Variants in RAD51B observed in about 807,000 individuals in gnomAD.
RAD51B encodes the protein RAD51 paralog B, also known as DNA repair protein RAD51 homolog 2.
In RAD51B, 38 loss-of-function variants were observed where a neutral mutation model predicts 42.2. That is an observed-to-expected ratio of 0.90 (90% CI 0.70 to 1.18). The LOEUF is 1.18. Ranked by LOEUF, RAD51B falls within the 50% of genes most tolerant of loss-of-function variation. RAD51B has a pLI of 0.00. For synonymous variants in RAD51B, 154 were observed against 145.2 expected (o/e 1.06, Z -0.43); for missense variants, 373 against 400.7 (o/e 0.93, Z 0.59).
intron 8 of RAD51B, among the ~76,000 whole-genome samples, chr14:68,362,072 A>G (rs1184505283): frequency 1.3e-5 from 2 of 152,224 alleles, no homozygotes; most frequent in Admixed American, 6.5e-5. Context: ...GCCACAGCAT[A>G]CAGTTCAAAC....
intron 10 of RAD51B, among the ~76,000 whole-genome samples, chr14:68,524,983 C>T (rs1886828163): frequency 1.3e-5 from 2 of 152,170 alleles, no homozygotes; most frequent in African/African-American, 4.8e-5. Context: ...AAGTCCTGAT[C>T]CTTTGAACCT....
intron 8 of RAD51B, among the ~76,000 whole-genome samples, chr14:68,346,385 A>G (rs2139854458): frequency 6.6e-6 from 1 of 152,326 alleles, no homozygotes; most frequent in African/African-American, 2.4e-5. Context: ...ATTTCTTTGC[A>G]TGGTGAATAG....
intron 7 of RAD51B, among the ~76,000 whole-genome samples, chr14:68,098,613 G>T (rs932149698): frequency 6.6e-6 from 1 of 152,164 alleles, no homozygotes; most frequent in African/African-American, 2.4e-5. Context: ...ATCAGATCTC[G>T]TGAGACTTAT....
chr14:68,185,958 A>G (rs1031994551), intron 7 of RAD51B, among the ~76,000 whole-genome samples: 1 of 152,178 alleles, frequency 6.6e-6, no homozygotes, highest in Non-Finnish European at 1.5e-5. Context: ...CCCAACTGGA[A>G]ACTATAGTAT....
chr14:68,660,998 TAG>T (rs1240140407), intron 11 of RAD51B, among the ~76,000 whole-genome samples: 2 of 152,266 alleles, frequency 1.3e-5, no homozygotes, highest in Admixed American at 1.3e-4. Flanking sequence ...GAAAGTCCCC[TAG>T]AGCCTTCAGG....
At chr14:68,629,219 C>T (rs1163171394) in intron 10 of RAD51B, among the ~76,000 whole-genome samples, 1 of 152,180 alleles carries the variant, frequency 6.6e-6, no homozygotes, top group Non-Finnish European at 1.5e-5. Flanking sequence ...AGAGAAGCTG[C>T]CCCGCCTCTT....
chr14:67,829,169 G>A (rs2040940147), intron 3 of RAD51B, among the ~76,000 whole-genome samples: 1 of 151,812 alleles, frequency 6.6e-6, no homozygotes, highest in Non-Finnish European at 1.5e-5. Flanking sequence ...TGGAGCAGTG[G>A]TTTGTAGTTC....
chr14:68,397,602 GT>G (rs1238721307), intron 8 of RAD51B, among the ~76,000 whole-genome samples: 1 of 152,192 alleles, frequency 6.6e-6, no homozygotes, highest in Non-Finnish European at 1.5e-5. Context: ...CATAAATGGA[GT>G]TTTCCTCCCT....
At chr14:68,015,857 C>G (rs960218466) in intron 7 of RAD51B, among the ~76,000 whole-genome samples, 1 of 152,150 alleles carries the variant, frequency 6.6e-6, no homozygotes, top group African/African-American at 2.4e-5. Flanking sequence ...TCTCTGACAC[C>G]ATTTATTCAT....
chr14:68,598,425 T>C (rs748948074), downstream of RAD51B, among the ~76,000 whole-genome samples: 11 of 152,228 alleles, frequency 7.2e-5, no homozygotes, highest in Non-Finnish European at 1.5e-4. Context: ...AGTATAACCA[T>C]TGTAAAATCC....
intron 7 of RAD51B, among the ~76,000 whole-genome samples, chr14:68,239,505 A>G (rs1595591418): frequency 6.7e-6 from 1 of 149,156 alleles, no homozygotes; most frequent in Non-Finnish European, 1.5e-5. Context: ...CCTTCTCCAC[A>G]GTCTTTTTTT....
intron 10 of RAD51B, among the ~76,000 whole-genome samples, chr14:68,528,118 C>A (rs992343835): frequency 2.0e-5 from 3 of 152,180 alleles, no homozygotes; most frequent in Non-Finnish European, 2.9e-5. Flanking sequence ...CTGGCACCAA[C>A]CAGTAAAGAA....
intron 7 of RAD51B, among the ~76,000 whole-genome samples, chr14:68,100,714 A>G (rs1247909877): frequency 2.0e-5 from 3 of 152,210 alleles, no homozygotes; most frequent in Non-Finnish European, 4.4e-5. Flanking sequence ...AAAATAATTC[A>G]TAACATTCTA....
intron 7 of RAD51B, among the ~76,000 whole-genome samples, chr14:68,237,854 C>A (rs897379871): frequency 2.0e-5 from 3 of 151,694 alleles, no homozygotes; most frequent in Non-Finnish European, 4.4e-5. Context: ...CCTGCCTCAG[C>A]CTCCCAAGTA....
intron 10 of RAD51B, among the ~76,000 whole-genome samples, chr14:68,573,902 AG>A (rs1281297185): frequency 6.6e-6 from 1 of 151,852 alleles, no homozygotes. Context: ...GCAGCACATG[AG>A]TATGGGCTGA....
chr14:68,567,808 G>A (rs1889497669), intron 10 of RAD51B, among the ~76,000 whole-genome samples: 1 of 152,122 alleles, frequency 6.6e-6, no homozygotes, highest in Admixed American at 6.5e-5. Context: ...TGCCATTATT[G>A]TCTCCTCCTT....
At chr14:68,657,515 A>G (rs1295312118) in intron 11 of RAD51B, among the ~76,000 whole-genome samples, 2 of 152,232 alleles carry the variant, frequency 1.3e-5, no homozygotes, top group African/African-American at 4.8e-5. Context: ...ATAATATACT[A>G]AGTGAGCCTG....
intron 10 of RAD51B, among the ~76,000 whole-genome samples, chr14:68,508,002 C>G (rs543319109): frequency 6.6e-6 from 1 of 152,302 alleles, no homozygotes; most frequent in East Asian, 1.9e-4. Context: ...AGGGGATCCA[C>G]TACACGCTCC....
chr14:68,465,785 T>TA (rs1334964469), intron 9 of RAD51B, among the ~76,000 whole-genome samples: 2 of 151,420 alleles, frequency 1.3e-5, no homozygotes, highest in African/African-American at 4.9e-5. Context: ...ACTAAAAATA[T>TA]AAAAAATTAG....
Sources: gnomAD v4.1 joint callset for allele counts (sites outside exome capture counted in the v4.1 genomes callset) on GRCh38, gnomAD v4.1.1 for gene constraint, MANE v1.5 for transcripts, NCBI Gene and HGNC (gene_info 2026-07-23, HGNC 2026-07-21) for gene names.